NKAIN4: variants seen among roughly 807,000 people sequenced by gnomAD.
NKAIN4 encodes the protein sodium/potassium-transporting ATPase subunit beta-1-interacting protein 4.
A neutral mutation model predicts 28.8 loss-of-function variants in NKAIN4; 28 were observed. That is an observed-to-expected ratio of 0.97 (90% CI 0.72 to 1.33). The LOEUF (loss-of-function observed/expected upper bound fraction) is 1.33. Ranked by LOEUF, NKAIN4 falls within the 40% of genes most tolerant of loss-of-function variation. The probability of loss-of-function intolerance (pLI) is 0.00; values close to 1 mark genes in which losing one functional copy is unlikely to be tolerated. For missense variants in NKAIN4, 289 were observed against 277.2 expected (o/e 1.04, Z -0.30); for synonymous variants, 122 against 115.6 (o/e 1.06, Z -0.36).
At position 63,247,571 on chromosome 20, in the gene NKAIN4, C is replaced by G. The variant is rs530669517; in HGVS notation, c.471+7G>C. ...CCCCACCCGGGGGCCCCCTTCCCCA[C>G]GCTCACCGCGATCAGGATCTGCAGG... On this transcript the variant is annotated splice_region_variant and intron_variant, in intron 4 of 6. Transcript: ENST00000370316. 54 of 1,546,292 alleles carry G rather than the reference C, an allele frequency of 3.5e-5. 1 individual carries two copies. The Admixed American group carries it at 1.0e-3, about 30-fold the overall frequency.
chr20:63,247,590 C>G lies in NKAIN4; in HGVS notation c.459G>C (p.Gln153His), dbSNP rs1277427818. Residue 153 changes from glutamine to histidine, a missense_variant, in exon 4 of 7, where the codon CAG becomes CAC. Coordinates refer to ENST00000370316, the MANE Select transcript of NKAIN4 (RefSeq NM_152864.4). ...SYVEALHSCL[Q>H]ILIALLGFVC... ...TCCCCACGCTCACCGCGATCAGGAT[C>G]TGCAGGCAACTGTGTAGGGCCTCCA... The G allele has an allele frequency of 1.9e-6, 3 of 1,547,232 alleles. No homozygotes were observed. Among genetic ancestry groups the G allele is most frequent in the Non-Finnish European group, 2.6e-6 (3 of 1,145,120 alleles).
At chr20:63,247,898 G>T in intron 3 of NKAIN4, 123 bp from the exon 4 acceptor site, 1 of 1,287,264 alleles carries the variant, frequency 7.8e-7, no homozygotes, top group Non-Finnish European at 1.0e-6. Flanking sequence ...CACCTCCCCT[G>T]TCCTCCCACT....
At position 63,247,753 on chromosome 20, in the gene NKAIN4, C is replaced by T; in HGVS notation, c.296G>A (p.Ser99Asn). Reference sequence around the variant, plus strand: ...CCACCAGGAGCGATGCCGGGAGAGGCTGAAGGTCAGTAGCTCGCTGTCCTA... The same window carrying T: ...CCACCAGGAGCGATGCCGGGAGAGGTTGAAGGTCAGTAGCTCGCTGTCCTA... ...LLKDSELLTF[S>N]LSRHRSWWRE... The change falls in exon 4 of 7, where the codon AGC becomes AAC. Residue 99 changes from serine (S) to asparagine (N), a missense_variant. Coordinates refer to ENST00000370316, the MANE Select transcript of NKAIN4 (RefSeq NM_152864.4). 1 of 1,472,790 alleles carries T rather than the reference C, an allele frequency of 6.8e-7. No individual in the cohort carries two copies. The highest frequency in any genetic ancestry group is 1.4e-5 in the African/African-American group (1 of 70,960). The allele number at this position is 1,472,790 out of a possible 1,614,324, so 91.2% of individuals were successfully genotyped here.
rs917922912 is a variant in NKAIN4, at chr20:63,241,415, C to T, written c.*82G>A. ...GGGGGTGCTGGGTGGGGGCGCGTCC[C>T]AAGGCCTGGGAGCTCCTGTCATTGT... On this transcript the variant is annotated 3_prime_UTR_variant, in exon 7 of 7. Coordinates refer to ENST00000370316, the MANE Select transcript of NKAIN4 (RefSeq NM_152864.4). 16 of 1,501,342 alleles carry T rather than the reference C, an allele frequency of 1.1e-5. No individual in the cohort carries two copies. The African/African-American group carries it at 2.1e-4, about 20-fold the overall frequency. 93.0% of individuals were successfully genotyped at this position (1,501,342 alleles called of 1,614,324 possible). A position where few individuals can be genotyped will look rare whatever the true frequency, so the allele number is the denominator to read the frequency against.
chr20:63,246,890 T>C (rs1204048728), intron 4 of NKAIN4: 2 of 985,262 alleles, frequency 2.0e-6, no homozygotes, highest in East Asian at 1.1e-4. Flanking sequence ...GTTGTTAGGC[T>C]CACAGAGGCG....
intron 5 of NKAIN4, 126 bp from the exon 6 acceptor site, chr20:63,242,749 C>T: frequency 1.5e-6 from 1 of 649,740 alleles, no homozygotes; most frequent in East Asian, 2.9e-5. Flanking sequence ...TGCCCAAAGC[C>T]CTGACATGAC....
Position 63,254,072 on chromosome 20 carries a change from C to A in NKAIN4, c.54+325G>T, listed in dbSNP as rs917176122. 8.9e-5 allele frequency: 31 copies of A among 347,642 alleles called. 1 individual carries two copies. The highest frequency in any genetic ancestry group is 6.6e-4 in the African/African-American group (30 of 45,120). 21.5% of individuals were successfully genotyped at this position (347,642 alleles called of 1,614,324 possible). On this transcript the variant is annotated intron_variant, in intron 1 of 6. Transcript: ENST00000370316. ...CCGGGGCCACACACGCCTCCCCAGG[C>A]GATGGGGTCCAGGCGGCCCCGCCCG...
intron 1 of NKAIN4, among the ~76,000 whole-genome samples, chr20:63,251,194 C>G (rs1304737962): frequency 6.6e-6 from 1 of 151,916 alleles, no homozygotes; most frequent in Non-Finnish European, 1.5e-5. Flanking sequence ...CAGCTTACGC[C>G]ATTATTTCTG....
At chr20:63,249,855 G>T in intron 2 of NKAIN4, 80 bp downstream of exon 2, 2 of 1,456,316 alleles carry the variant, frequency 1.4e-6, no homozygotes, top group South Asian at 1.3e-5. Context: ...AGGAAAATAT[G>T]CCAGGATGGT....
intron 5 of NKAIN4, among the ~76,000 whole-genome samples, chr20:63,243,136 G>C (rs1323030174): frequency 6.6e-6 from 1 of 152,192 alleles, no homozygotes; most frequent in Non-Finnish European, 1.5e-5. Context: ...GGTTCAAATG[G>C]GGTTCCCATC....
Position 63,244,008 on chromosome 20 carries a change from G to C in NKAIN4, c.532+16C>G. On this transcript the variant is annotated intron_variant, in intron 5 of 6. Transcript: ENST00000370316. ...GCCGTCTCCCGCCCCACTGCCTGCAGAGGCCCCATACTCACAGCTGTCCTC... is the reference window on the plus strand; with the variant it reads ...GCCGTCTCCCGCCCCACTGCCTGCACAGGCCCCATACTCACAGCTGTCCTC... 1 of 1,609,822 alleles carries C rather than the reference G, an allele frequency of 6.2e-7. No homozygotes were observed. The highest frequency in any genetic ancestry group is 2.2e-5 in the East Asian group (1 of 44,832).
chr20:63,240,805 T>A lies in NKAIN4; in HGVS notation c.*692A>T, dbSNP rs1452583565. 2.6e-5 allele frequency: 4 copies of A among 152,408 alleles called. No homozygotes were observed. The highest frequency in any genetic ancestry group is 9.6e-5 in the African/African-American group (4 of 41,476). The allele number at this position is 152,408 out of a possible 1,614,324, so 9.4% of individuals were successfully genotyped here. A position where few individuals can be genotyped will look rare whatever the true frequency, so the allele number is the denominator to read the frequency against. The stretch of plus-strand genomic sequence containing the variant: ...TGGGTGAGGGCCATGTTCCTGTTTA[T>A]TTACCAACTTGATGATACCTGGGGG... On this transcript the variant is annotated 3_prime_UTR_variant, in exon 7 of 7. Coordinates refer to ENST00000370316, the MANE Select transcript of NKAIN4 (RefSeq NM_152864.4).
upstream of NKAIN4, chr20:63,254,606 A>G (rs2067019820): frequency 1.9e-6 from 1 of 513,500 alleles, no homozygotes; most frequent in Non-Finnish European, 3.0e-6. Context: ...GCCCCGGGTA[A>G]CAGCTGCGCT....
chr20:63,247,212 G>A (rs1044738485), intron 4 of NKAIN4: 58 of 1,183,876 alleles, frequency 4.9e-5, no homozygotes, highest in Non-Finnish European at 5.8e-5. Flanking sequence ...GGCGGGACAC[G>A]CATGGATGGG....
intron 5 of NKAIN4, among the ~76,000 whole-genome samples, chr20:63,243,061 CTG>C (rs1246076507): frequency 6.6e-6 from 1 of 152,228 alleles, no homozygotes; most frequent in Non-Finnish European, 1.5e-5. Flanking sequence ...TTCCTTGACA[CTG>C]TGTCTGCACA....
rs1314562133 is a variant in NKAIN4 at position 63,241,217 on chromosome 20, G to A, written c.*280C>T. 3 of 440,044 alleles carry A rather than the reference G, an allele frequency of 6.8e-6. No individual in the cohort carries two copies. The highest frequency in any genetic ancestry group is 2.4e-5 in the South Asian group (1 of 41,278). The allele number at this position is 440,044 out of a possible 1,614,324, so 27.3% of individuals were successfully genotyped here. A position where few individuals can be genotyped will look rare whatever the true frequency, so the allele number is the denominator to read the frequency against. ...AGCTGTGACCCCCATGTTGCCAGAGGAGGTGGGCATGTGGGGTTTTGCCTT... is the reference window on the plus strand; with the variant it reads ...AGCTGTGACCCCCATGTTGCCAGAGAAGGTGGGCATGTGGGGTTTTGCCTT... On this transcript the variant is annotated 3_prime_UTR_variant, in exon 7 of 7. Coordinates refer to ENST00000370316, the MANE Select transcript of NKAIN4 (RefSeq NM_152864.4).
At chr20:63,246,654 G>A (rs1457300860) in intron 4 of NKAIN4, 2 of 985,386 alleles carry the variant, frequency 2.0e-6, no homozygotes. Flanking sequence ...ACACCACCGT[G>A]CGCACCAGGA....
chr20:63,254,233 G>A (rs2067012569), intron 1 of NKAIN4, 164 bp downstream of exon 1: 2 of 519,010 alleles, frequency 3.9e-6, no homozygotes, highest in Non-Finnish European at 6.1e-6. Flanking sequence ...CGCAGGCGAC[G>A]CCACCTTCGG....
chr20:63,250,694 A>AG (rs1485650147), intron 1 of NKAIN4, among the ~76,000 whole-genome samples: 5 of 152,006 alleles, frequency 3.3e-5, no homozygotes, highest in Admixed American at 2.6e-4. Flanking sequence ...AGAACCAATG[A>AG]GGGGGGGAGG....
Sources: gnomAD v4.1 joint callset for allele counts (sites outside exome capture counted in the v4.1 genomes callset) on GRCh38, gnomAD v4.1.1 for gene constraint, MANE v1.5 for transcripts, NCBI Gene and HGNC (gene_info 2026-07-23, HGNC 2026-07-21) for gene names.